The following SATL1 variants were observed in gnomAD, a reference collection of about 807,000 sequenced individuals.
SATL1 encodes spermidine/spermine N1-acetyl transferase like 1.
A neutral mutation model predicts 51.8 loss-of-function variants in SATL1; 47 were observed. The ratio of observed to expected loss-of-function variants is 0.91; its 90% CI spans 0.72 to 1.16. The LOEUF (loss-of-function observed/expected upper bound fraction) is 1.16, where lower values mean the gene tolerates loss of function less well. Among genes scored for constraint, SATL1 ranks in the 50% most tolerant of loss-of-function variants. The pLI, the probability that SATL1 is intolerant of heterozygous loss-of-function variation, is 0.00. For synonymous variants in SATL1, 176 were observed against 182.4 expected, an observed-to-expected ratio of 0.97 and a Z score of 0.28; for missense variants, 520 against 526.4, an observed-to-expected ratio of 0.99 and a Z score of 0.12.
chrX:85,107,113 TTA>T (rs1454147523), intron 3 of SATL1, among the ~76,000 whole-genome samples: 1 of 112,077 alleles, frequency 8.9e-6, no homozygotes, highest in African/African-American at 3.2e-5. Context: ...TGTAATCATT[TTA>T]TGTTATTGTT....
intron 2 of SATL1, among the ~76,000 whole-genome samples, chrX:85,185,218 T>C (rs1927287393): frequency 8.9e-6 from 1 of 112,691 alleles, no homozygotes; most frequent in African/African-American, 3.2e-5. Flanking sequence ...TGCCTGGAGC[T>C]AGGGGACGGG....
chrX:85,183,208 G>A (rs752286196), intron 2 of SATL1, among the ~76,000 whole-genome samples: 1 of 110,368 alleles, frequency 9.1e-6, no homozygotes. Flanking sequence ...TATAGTTTCG[G>A]GTTCTATATT....
At chrX:85,171,252 T>C (rs1367209874) in intron 2 of SATL1, among the ~76,000 whole-genome samples, 2 of 111,168 alleles carry the variant, frequency 1.8e-5, no homozygotes, top group African/African-American at 6.5e-5. Context: ...TAGAACTAAA[T>C]ATTTCTTTTA....
chrX:85,172,419 T>A (rs1926991382), intron 2 of SATL1, among the ~76,000 whole-genome samples: 1 of 111,419 alleles, frequency 9.0e-6, no homozygotes, highest in Non-Finnish European at 1.9e-5. Flanking sequence ...GAAATATTCA[T>A]ACAAATAAAT....
intron 6 of SATL1, 145 bp downstream of exon 6, chrX:85,093,983 T>C: frequency 2.8e-6 from 1 of 354,294 alleles, no homozygotes; most frequent in Non-Finnish European, 5.0e-6. Flanking sequence ...TAGATCAAAC[T>C]CATTAGGATA....
chrX:85,220,644 T>TAAAAAAAAAAAA (rs57383092), intron 2 of SATL1, among the ~76,000 whole-genome samples: 1 of 24,164 alleles, frequency 4.1e-5, no homozygotes, highest in African/African-American at 1.6e-4. Flanking sequence ...ACTTCTGTGT[T>TAAAAAAAAAAAA]AAAAAAAAAA....
chrX:85,162,992 C>G (rs1280254602), intron 2 of SATL1, among the ~76,000 whole-genome samples: 1 of 105,278 alleles, frequency 9.5e-6, no homozygotes, highest in African/African-American at 3.5e-5. Flanking sequence ...AGGTATCGGT[C>G]TGTAGTTTTC....
intron 2 of SATL1, chrX:85,156,210 A>T (rs745488929): frequency 4.5e-5 from 5 of 111,719 alleles, no homozygotes; most frequent in Non-Finnish European, 7.5e-5. Flanking sequence ...TAGTCTGAAA[A>T]TGGGAGCATT....
intron 2 of SATL1, among the ~76,000 whole-genome samples, chrX:85,137,919 G>A (rs1926003185): frequency 9.0e-6 from 1 of 111,267 alleles, no homozygotes; most frequent in African/African-American, 3.3e-5. Context: ...TCTTTCCTCA[G>A]CCATGTTCAG....
intron 2 of SATL1, among the ~76,000 whole-genome samples, chrX:85,113,772 G>T (rs896497354): frequency 8.9e-6 from 1 of 111,970 alleles, no homozygotes; most frequent in Non-Finnish European, 1.9e-5. Context: ...ATGGAACTTT[G>T]TTCCATAAGA....
chrX:85,186,449 C>T (rs1927315847), intron 2 of SATL1, among the ~76,000 whole-genome samples: 1 of 110,782 alleles, frequency 9.0e-6, no homozygotes, highest in Non-Finnish European at 1.9e-5. Flanking sequence ...GCCTAGACTG[C>T]CTTTCAAGTT....
chrX:85,111,762 A>C (rs748046258), intron 2 of SATL1, among the ~76,000 whole-genome samples: 1 of 112,180 alleles, frequency 8.9e-6, no homozygotes, highest in Non-Finnish European at 1.9e-5. Flanking sequence ...CAAAATGTAC[A>C]TGCATTGTCT....
chrX:85,174,301 AG>A (rs1429450987), intron 2 of SATL1, among the ~76,000 whole-genome samples: 1 of 110,154 alleles, frequency 9.1e-6, no homozygotes, highest in Non-Finnish European at 1.9e-5. Context: ...TAATAATAAA[AG>A]TATAAGACCT....
intron 2 of SATL1, among the ~76,000 whole-genome samples, chrX:85,184,568 A>G (rs1208588390): frequency 8.9e-6 from 1 of 111,761 alleles, no homozygotes; most frequent in East Asian, 2.8e-4. Context: ...TCTGTATTCA[A>G]GCTCAATTCT....
At position 85,160,180 on chromosome X, in the gene SATL1, TC is replaced by T. The variant is rs781214884; in HGVS notation, c.-312-50901del. Among the ~76,000 whole-genome samples, 554 of 109,616 alleles carry T rather than the reference TC, an allele frequency of 5.1e-3. 2 individuals carry two copies. The highest frequency in any genetic ancestry group is 0.018 in the African/African-American group (527 of 30,089). ...TCAAATAGGAGAAAAGAAAAAAAAATCTAGAGGACAGCGACTTTAAAGATGG... is the reference window on the plus strand; with the variant it reads ...TCAAATAGGAGAAAAGAAAAAAAAATTAGAGGACAGCGACTTTAAAGATGG... On this transcript the variant is annotated intron_variant, in intron 2 of 7. Transcript: ENST00000644105.
At chrX:85,100,814 G>C (rs1352029721) in intron 4 of SATL1, among the ~76,000 whole-genome samples, 1 of 111,665 alleles carries the variant, frequency 9.0e-6, no homozygotes, top group Non-Finnish European at 1.9e-5. Context: ...TTATTAGAAA[G>C]CTACAGCAGT....
chrX:85,161,479 TAA>T (rs375382557), intron 2 of SATL1, among the ~76,000 whole-genome samples: 4,260 of 59,460 alleles, frequency 0.072, 208 homozygotes, highest in African/African-American at 0.17. Flanking sequence ...GCCAAGCAAA[TAA>T]AAAAAAAAAA....
At chrX:85,195,683 G>C (rs1169885340) in intron 2 of SATL1, among the ~76,000 whole-genome samples, 1 of 109,524 alleles carries the variant, frequency 9.1e-6, no homozygotes, top group East Asian at 2.9e-4. Context: ...CGGGTGGCAG[G>C]GGCCTGTAAT....
rs113059578 is a variant in SATL1, at chrX:85,100,030, A to G, written c.1693+3834T>C. Among the ~76,000 whole-genome samples, 541 of 112,241 alleles carry G rather than the reference A, an allele frequency of 4.8e-3. 3 individuals carry two copies. The highest frequency in any genetic ancestry group is 0.017 in the African/African-American group (516 of 30,924). ...TGACCAGTCTGGCCAACATGGTGAA[A>G]CCCCATCTCTACTAAAAATACAAAA... On this transcript the variant is annotated intron_variant, in intron 4 of 7. Coordinates refer to ENST00000644105, the MANE Select transcript of SATL1 (RefSeq NM_001367857.2).
Sources: gnomAD v4.1 joint callset for allele counts (sites outside exome capture counted in the v4.1 genomes callset) on GRCh38, gnomAD v4.1.1 for gene constraint, MANE v1.5 for transcripts, NCBI Gene and HGNC (gene_info 2026-07-23, HGNC 2026-07-21) for gene names.